The following RALGAPB variants were observed in gnomAD, a reference collection of about 807,000 sequenced individuals.
RALGAPB encodes the protein ral GTPase-activating protein subunit beta.
RALGAPB carries 25 observed loss-of-function variants against 161.1 expected under a neutral mutation model. That is an observed-to-expected ratio of 0.16 (90% CI 0.11 to 0.22). RALGAPB has a LOEUF of 0.22. RALGAPB is among the 10% of genes least tolerant of loss of function. RALGAPB has a pLI of 1.00. For synonymous variants in RALGAPB, 629 were observed against 626.1 expected (o/e 1.00, Z -0.07); for missense variants, 1,391 against 1,815.2 (o/e 0.77, Z 4.25).
At chr20:38,547,477 T>C (rs2087207377) in intron 19 of RALGAPB, 1 of 152,232 alleles carries the variant, frequency 6.6e-6, no homozygotes, top group African/African-American at 2.4e-5. Flanking sequence ...AACCCTGTAT[T>C]GTCCCTTTCT....
At chr20:38,570,050 T>G in intron 27 of RALGAPB, 54 bp downstream of exon 27, 1 of 1,422,826 alleles carries the variant, frequency 7.0e-7, no homozygotes, top group Non-Finnish European at 9.9e-7. Flanking sequence ...GACAGTGACT[T>G]GCTAAATGTC....
Position 38,558,265 on chromosome 20 carries a change from A to C in RALGAPB, c.3373-30A>C, listed in dbSNP as rs186880395. 5.1e-4 allele frequency: 746 copies of C among 1,455,530 alleles called. 2 individuals are homozygous for C. Among genetic ancestry groups the C allele is most frequent in the Middle Eastern group, 2.4e-3 (13 of 5,446 alleles). The allele number at this position is 1,455,530 out of a possible 1,614,324, so 90.2% of individuals were successfully genotyped here. ...TTATAACAATGAAAGAAAATAGGTAATAATTGCTCCTTTCTTCTTTTGGTG... is the reference window on the plus strand; with the variant it reads ...TTATAACAATGAAAGAAAATAGGTACTAATTGCTCCTTTCTTCTTTTGGTG... On this transcript the variant is annotated intron_variant, in intron 22 of 29. Coordinates refer to ENST00000262879, the MANE Select transcript of RALGAPB (RefSeq NM_020336.4).
intron 16 of RALGAPB, among the ~76,000 whole-genome samples, chr20:38,537,587 T>A (rs2086846156): frequency 6.6e-6 from 1 of 152,202 alleles, no homozygotes; most frequent in African/African-American, 2.4e-5. Flanking sequence ...ACTTCAAAAT[T>A]TAAAACTGCT....
At chr20:38,502,884 G>T (rs542522027) in intron 5 of RALGAPB, among the ~76,000 whole-genome samples, 89 of 152,304 alleles carry the variant, frequency 5.8e-4, no homozygotes, top group Middle Eastern at 3.4e-3. Context: ...GGGATTACAG[G>T]CATGAGCCAC....
chr20:38,544,910 T>TC (rs2087111517), intron 18 of RALGAPB, among the ~76,000 whole-genome samples: 2 of 152,358 alleles, frequency 1.3e-5, no homozygotes, highest in East Asian at 3.9e-4. Context: ...GAGTTTTTTT[T>TC]CACACGTTTA....
intron 21 of RALGAPB, among the ~76,000 whole-genome samples, chr20:38,553,155 G>C (rs1430570397): frequency 6.6e-6 from 1 of 152,172 alleles, no homozygotes; most frequent in African/African-American, 2.4e-5. Flanking sequence ...CTGGAAAGCA[G>C]GGCACATATC....
chr20:38,525,873 A>G (rs2086448152), intron 12 of RALGAPB, 22 bp from the exon 13 acceptor site: 1 of 1,609,030 alleles, frequency 6.2e-7, no homozygotes, highest in Non-Finnish European at 8.5e-7. Context: ...CTGATGTTAA[A>G]TATTATTTGT....
chr20:38,578,767 G>A lies in RALGAPB; in HGVS notation c.*3800G>A, dbSNP rs2088526480. On this transcript the variant is annotated 3_prime_UTR_variant, in exon 30 of 30. Coordinates refer to ENST00000262879, the MANE Select transcript of RALGAPB (RefSeq NM_020336.4). ...GGGAAGAAGGTCCAGAGGTTTGTTT[G>A]TATTTATGCCGATCCTTTGTCCAGA... The A allele has an allele frequency of 6.6e-6, 1 of 152,614 alleles. No individual in the cohort carries two copies. Among genetic ancestry groups the A allele is most frequent in the South Asian group, 2.1e-4 (1 of 4,832 alleles). The allele number at this position is 152,614 out of a possible 1,614,324, so 9.5% of individuals were successfully genotyped here.
chr20:38,558,475 T>C (rs573672821), intron 23 of RALGAPB, 22 bp downstream of exon 23: 7 of 1,517,748 alleles, frequency 4.6e-6, no homozygotes, highest in African/African-American at 1.4e-5. Flanking sequence ...GAATTTTTTT[T>C]TTTTGGTATG....
In RALGAPB at chr20:38,570,828, A is replaced by C; in HGVS notation, c.4123A>C (p.Asn1375His). The C allele has an allele frequency of 6.2e-7, 1 of 1,607,644 alleles. No homozygotes were observed. Among genetic ancestry groups the C allele is most frequent in the Non-Finnish European group, 8.5e-7 (1 of 1,174,900 alleles). Residue 1375 changes from asparagine (N) to histidine (H), a missense_variant, in exon 28 of 30, where the codon AAT becomes CAT. This residue lies in a region of RALGAPB where 436 missense variants were observed against 527.0 expected (regional missense o/e 0.83). Transcript: ENST00000262879. ...CAGTACTGGTGTGGAAACTACTGCA[A>C]ATAGTAGCACTTCACTGAGGTACAC... ...EISTGVETTANSSTSLRSTTL... is the reference protein window; with the variant it reads ...EISTGVETTAHSSTSLRSTTL...
At chr20:38,552,881 G>A (rs2087427219) in intron 21 of RALGAPB, among the ~76,000 whole-genome samples, 3 of 152,204 alleles carry the variant, frequency 2.0e-5, no homozygotes, top group Non-Finnish European at 1.5e-5. Flanking sequence ...TTTGACTGGT[G>A]TGGAGATTGA....
At chr20:38,508,147 C>T (rs951707969) in intron 5 of RALGAPB, among the ~76,000 whole-genome samples, 1 of 150,938 alleles carries the variant, frequency 6.6e-6, no homozygotes, top group African/African-American at 2.4e-5. Context: ...ATATAAATAG[C>T]TATAATTTAT....
intron 18 of RALGAPB, among the ~76,000 whole-genome samples, chr20:38,544,029 T>C (rs1383251426): frequency 1.3e-5 from 2 of 152,190 alleles, no homozygotes; most frequent in Non-Finnish European, 2.9e-5. Context: ...TAGGTTTTTT[T>C]TCCTCTCTGT....
intron 2 of RALGAPB, 69 bp from the exon 3 acceptor site, chr20:38,492,861 G>A (rs901810378): frequency 7.7e-7 from 1 of 1,294,720 alleles, no homozygotes; most frequent in Non-Finnish European, 1.1e-6. Context: ...AAAAGAGATT[G>A]ACATTTTAAA....
Position 38,488,453 on chromosome 20 carries a change from A to C in RALGAPB, c.21A>C (p.Ser7=). 6.2e-7 allele frequency: 1 copy of C among 1,614,000 alleles called. No individual in the cohort carries two copies. Among genetic ancestry groups the C allele is most frequent in the South Asian group, 1.1e-5 (1 of 91,008 alleles). MYSEWR[S]LHLVIQNDQG... Reference sequence around the variant, plus strand: ...GCACGATGTACTCTGAGTGGAGGTCACTGCATTTGGTGATTCAGAATGATC... The same window carrying C: ...GCACGATGTACTCTGAGTGGAGGTCCCTGCATTTGGTGATTCAGAATGATC... Residue 7 remains serine, a synonymous_variant, in exon 2 of 30, where the codon TCA becomes TCC. Transcript: ENST00000262879.
chr20:38,498,699 C>A (rs1321263500), intron 4 of RALGAPB, among the ~76,000 whole-genome samples: 1 of 152,224 alleles, frequency 6.6e-6, no homozygotes, highest in Admixed American at 6.5e-5. Flanking sequence ...TGAGTCCCAA[C>A]TTTGCCTTCT....
intron 24 of RALGAPB, among the ~76,000 whole-genome samples, chr20:38,564,912 C>CCTTCTT (rs767402415): frequency 2.0e-5 from 3 of 150,672 alleles, no homozygotes; most frequent in African/African-American, 4.9e-5. Flanking sequence ...CCTCCTCCTC[C>CCTTCTT]CTTCTTCTTC....
chr20:38,479,771 C>G (rs1946505675), intron 1 of RALGAPB, among the ~76,000 whole-genome samples: 1 of 152,168 alleles, frequency 6.6e-6, no homozygotes, highest in Non-Finnish European at 1.5e-5. Flanking sequence ...CCTTAATCAT[C>G]TAACTTGACA....
Position 38,565,446 on chromosome 20 carries a change from CT to C in RALGAPB, c.3789del (p.Phe1263LeufsTer10). The stretch of plus-strand genomic sequence containing the variant: ...TATGCTGATGCCCTTACAGAAATTG[CT>C]TTTGTGGTTCCTTCTCCTGTGGAGT... ...LYYADALTEI[A>X]FVVPSPVESL... On this transcript the variant is annotated frameshift_variant, in exon 25 of 30. Coordinates refer to ENST00000262879, the MANE Select transcript of RALGAPB (RefSeq NM_020336.4). LOFTEE classifies it high-confidence loss of function. 1 of 1,613,512 alleles carries C rather than the reference CT, an allele frequency of 6.2e-7. No homozygotes were observed. The highest frequency in any genetic ancestry group is 8.5e-7 in the Non-Finnish European group (1 of 1,179,618).
Sources: gnomAD v4.1 joint callset for allele counts (sites outside exome capture counted in the v4.1 genomes callset) on GRCh38, gnomAD v4.1.1 for gene constraint, gnomAD v4.1.1 regional missense constraint, MANE v1.5 for transcripts, NCBI Gene and HGNC (gene_info 2026-07-23, HGNC 2026-07-21) for gene names.